The following TSHZ2 variants were observed in gnomAD, a reference collection of about 807,000 sequenced individuals.
TSHZ2 encodes teashirt zinc finger homeobox 2, also known as teashirt homolog 2.
TSHZ2 carries 21 observed loss-of-function variants against 74.4 expected under a neutral mutation model. The observed-to-expected ratio is 0.28, with a 90% CI of 0.20 to 0.41. TSHZ2 has a LOEUF of 0.41. TSHZ2 is among the 10% of genes least tolerant of loss of function. The probability of loss-of-function intolerance (pLI) is 1.00; values close to 1 mark genes in which losing one functional copy is unlikely to be tolerated. For missense variants in TSHZ2, 1,244 were observed against 1,293.5 expected (o/e 0.96, Z 0.59); for synonymous variants, 540 against 515.3 (o/e 1.05, Z -0.65).
At chr20:52,988,880 C>G (rs1030953573) in intron 1 of TSHZ2, among the ~76,000 whole-genome samples, 1 of 152,136 alleles carries the variant, frequency 6.6e-6, no homozygotes, top group African/African-American at 2.4e-5. Context: ...TGATAAATCT[C>G]TTGTAGGCTC....
At chr20:53,435,954 A>G (rs1984041803) in intron 2 of TSHZ2, among the ~76,000 whole-genome samples, 1 of 152,262 alleles carries the variant, frequency 6.6e-6, no homozygotes, top group East Asian at 1.9e-4. Flanking sequence ...ATAATACCCC[A>G]ACCTCACAGG....
intron 1 of TSHZ2, among the ~76,000 whole-genome samples, chr20:53,180,108 C>T (rs1047951055): frequency 2.0e-5 from 3 of 152,152 alleles, no homozygotes; most frequent in Admixed American, 2.0e-4. Flanking sequence ...GTACTTTCCC[C>T]ATTAATTACT....
At chr20:53,295,854 A>G (rs1370362063) in intron 2 of TSHZ2, among the ~76,000 whole-genome samples, 1 of 152,094 alleles carries the variant, frequency 6.6e-6, no homozygotes. Flanking sequence ...TTTTTGGAGC[A>G]TAGAAGAAAA....
intron 2 of TSHZ2, among the ~76,000 whole-genome samples, chr20:53,331,930 C>T (rs546711359): frequency 2.0e-5 from 3 of 152,140 alleles, no homozygotes; most frequent in Non-Finnish European, 4.4e-5. Flanking sequence ...CAGTGACTCT[C>T]GGTCAGGGGT....
rs144559845 is a variant in TSHZ2 at position 53,411,520 on chromosome 20, T to TA, written c.*9-75617dup. On this transcript the variant is annotated intron_variant, in intron 2 of 2. Transcript: ENST00000371497. ...GCTCTCTGAACCTGTTTCCTCACCT[T>TA]AAAAAAAGTAACTTAAGAGTACCTA... 0.016 allele frequency among the ~76,000 whole-genome samples: 2,456 copies of TA among 152,082 alleles called. 160 individuals are homozygous for TA. In the East Asian group the frequency reaches 0.21, roughly 13 times the overall value.
intron 2 of TSHZ2, among the ~76,000 whole-genome samples, chr20:53,388,051 CAA>C (rs370885996): frequency 1.6e-4 from 16 of 99,908 alleles, no homozygotes; most frequent in Admixed American, 2.0e-4. Flanking sequence ...TCCATCTCTA[CAA>C]AAAAAAAAAA....
intron 1 of TSHZ2, among the ~76,000 whole-genome samples, chr20:53,160,368 C>T (rs1240987308): frequency 6.6e-6 from 1 of 152,152 alleles, no homozygotes; most frequent in Non-Finnish European, 1.5e-5. Flanking sequence ...AATCCCTAGT[C>T]GTGCAAAGTA....
chr20:53,037,869 T>C (rs1412068016), intron 1 of TSHZ2, among the ~76,000 whole-genome samples: 1 of 151,790 alleles, frequency 6.6e-6, no homozygotes, highest in Non-Finnish European at 1.5e-5. Context: ...CCCAACTTCA[T>C]GAGATGCACA....
chr20:53,447,788 G>A (rs1455347957), intron 2 of TSHZ2, among the ~76,000 whole-genome samples: 1 of 152,170 alleles, frequency 6.6e-6, no homozygotes, highest in Non-Finnish European at 1.5e-5. Context: ...GTTTACCAAT[G>A]ATGTGCTCTC....
chr20:53,119,498 G>A (rs1052112327), intron 1 of TSHZ2, among the ~76,000 whole-genome samples: 4 of 152,120 alleles, frequency 2.6e-5, no homozygotes, highest in African/African-American at 7.2e-5. Flanking sequence ...AGAGTCCAGC[G>A]CTATGCTGCC....
Position 53,263,099 on chromosome 20 carries a change from CAGA to C in TSHZ2, c.*8+6531_*8+6533del, listed in dbSNP as rs370731410. 3.8e-3 allele frequency among the ~76,000 whole-genome samples: 578 copies of C among 152,278 alleles called. 2 individuals are homozygous for C. The highest frequency in any genetic ancestry group is 0.013 in the African/African-American group (550 of 41,546). On this transcript the variant is annotated intron_variant, in intron 2 of 2. Transcript: ENST00000371497. ...AGGAGGCATAGAATATATTTAGGCA[CAGA>C]AGGTGTTTCCATGGGGCTGATTCTA...
At chr20:53,051,927 T>C (rs1984482225) in intron 1 of TSHZ2, among the ~76,000 whole-genome samples, 6 of 152,230 alleles carry the variant, frequency 3.9e-5, no homozygotes. Flanking sequence ...TTGCTTCACA[T>C]AGATAATATG....
chr20:53,242,463 A>T (rs1041280624), intron 1 of TSHZ2, among the ~76,000 whole-genome samples: 15 of 152,190 alleles, frequency 9.9e-5, no homozygotes, highest in Admixed American at 2.0e-4. Flanking sequence ...TTAGGTTTTT[A>T]TATTTTTATA....
chr20:53,278,271 C>T (rs1481096237), intron 2 of TSHZ2, among the ~76,000 whole-genome samples: 1 of 152,218 alleles, frequency 6.6e-6, no homozygotes, highest in Non-Finnish European at 1.5e-5. Context: ...TCTCACTTTC[C>T]TGATATTTTC....
intron 2 of TSHZ2, among the ~76,000 whole-genome samples, chr20:53,305,195 C>T (rs1485520959): frequency 6.6e-6 from 1 of 152,170 alleles, no homozygotes; most frequent in African/African-American, 2.4e-5. Context: ...GCCTCGGCCT[C>T]CCAAAGTGCT....
intron 2 of TSHZ2, among the ~76,000 whole-genome samples, chr20:53,456,679 T>A (rs1414949987): frequency 1.6e-5 from 2 of 127,010 alleles, no homozygotes; most frequent in Non-Finnish European, 3.2e-5. Context: ...TCTAGGGTTT[T>A]TATGGTTTTA....
At chr20:53,048,675 T>C (rs1984319222) in intron 1 of TSHZ2, among the ~76,000 whole-genome samples, 1 of 152,202 alleles carries the variant, frequency 6.6e-6, no homozygotes, top group Non-Finnish European at 1.5e-5. Flanking sequence ...ACCATCAGTC[T>C]GCAAAGTGAG....
intron 2 of TSHZ2, among the ~76,000 whole-genome samples, chr20:53,396,834 A>G (rs1444653878): frequency 6.9e-6 from 1 of 145,342 alleles, no homozygotes; most frequent in East Asian, 2.0e-4. Context: ...TCTGAGTGAC[A>G]CAGCAATACC....
At position 53,489,548 on chromosome 20, in the gene TSHZ2, G is replaced by A. The variant is rs769536490; in HGVS notation, c.*2413G>A. The A allele has an allele frequency of 1.3e-4, 26 of 201,570 alleles. No individual in the cohort carries two copies. Among genetic ancestry groups the A allele is most frequent in the African/African-American group, 5.8e-4 (25 of 42,926 alleles). The allele number at this position is 201,570 out of a possible 1,614,324, so 12.5% of individuals were successfully genotyped here. ...TCTCGAGCCCTTGCTCCAATGGGGG[G>A]AGGAGATCAATACAATTCCCAATTC... On this transcript the variant is annotated 3_prime_UTR_variant, in exon 3 of 3. Coordinates refer to ENST00000371497, the MANE Select transcript of TSHZ2 (RefSeq NM_173485.6).
Sources: gnomAD v4.1 joint callset for allele counts (sites outside exome capture counted in the v4.1 genomes callset) on GRCh38, gnomAD v4.1.1 for gene constraint, MANE v1.5 for transcripts, NCBI Gene and HGNC (gene_info 2026-07-23, HGNC 2026-07-21) for gene names.